Variants in C7 observed in about 807,000 individuals in gnomAD.
C7 encodes the protein complement C7.
Under a neutral mutation model 104.8 loss-of-function variants are expected in C7, and 83 were observed. That is an observed-to-expected ratio of 0.79 (90% CI 0.66 to 0.95). The LOEUF (loss-of-function observed/expected upper bound fraction) is 0.95. Among genes scored for constraint, C7 ranks in the 40% least tolerant of loss-of-function variants. C7 has a pLI of 0.00. For missense variants in C7, 1,070 were observed against 1,011.2 expected, an observed-to-expected ratio of 1.06 and a Z score of -0.79; for synonymous variants, 415 against 360.6, an observed-to-expected ratio of 1.15 and a Z score of -1.71.
chr5:40,951,297 A>AT (rs1338852712), intron 9 of C7, among the ~76,000 whole-genome samples: 1 of 152,086 alleles, frequency 6.6e-6, no homozygotes, highest in South Asian at 2.1e-4. Flanking sequence ...GTTTGCAAAT[A>AT]TTTTTTCCCA....
At chr5:40,912,977 C>T (rs1739241033) in intron 1 of C7, among the ~76,000 whole-genome samples, 1 of 152,234 alleles carries the variant, frequency 6.6e-6, no homozygotes, top group Admixed American at 6.5e-5. Flanking sequence ...TCTGAGTCTC[C>T]AATGTCTATT....
intron 1 of C7, among the ~76,000 whole-genome samples, chr5:40,910,661 A>C (rs902344451): frequency 6.6e-6 from 1 of 152,088 alleles, no homozygotes; most frequent in Non-Finnish European, 1.5e-5. Flanking sequence ...AAATTAACGC[A>C]GGAACAGACA....
chr5:40,938,671 T>C (rs1449216265), intron 6 of C7, among the ~76,000 whole-genome samples: 1 of 152,196 alleles, frequency 6.6e-6, no homozygotes, highest in East Asian at 1.9e-4. Context: ...CCAACGTTGG[T>C]ATTGCTTAAC....
At position 40,958,174 on chromosome 5, in the gene C7, G is replaced by C; in HGVS notation, c.1402G>C (p.Val468Leu). Residue 468 changes from valine (V) to leucine (L), a missense_variant, in exon 11 of 18, where the codon GTT becomes CTT. Coordinates refer to ENST00000313164, the MANE Select transcript of C7 (RefSeq NM_000587.4). The part of the protein sequence containing the change: ...RPCQNGGLAT[V>L]EGTHCLCHCK... ...TTGTCAAAATGGTGGTTTGGCTACT[G>C]TTGAGGGGACCCATTGTCTGTGCCA... The C allele has an allele frequency of 6.2e-7, 1 of 1,613,832 alleles. No individual in the cohort carries two copies. The highest frequency in any genetic ancestry group is 8.5e-7 in the Non-Finnish European group (1 of 1,179,760).
intron 8 of C7, 141 bp downstream of exon 8, chr5:40,947,986 T>C: frequency 1.1e-6 from 1 of 894,436 alleles, no homozygotes; most frequent in Non-Finnish European, 1.8e-6. Flanking sequence ...ATTGCAAGAA[T>C]GTATTATTGT....
At chr5:40,965,997 G>A (rs745820828) in intron 14 of C7, among the ~76,000 whole-genome samples, 11 of 151,740 alleles carry the variant, frequency 7.2e-5, no homozygotes, top group Admixed American at 1.3e-4. Flanking sequence ...TCATATGTTC[G>A]TTAGCCATTG....
intron 13 of C7, 116 bp downstream of exon 13, chr5:40,962,288 T>G: frequency 1.8e-6 from 1 of 559,106 alleles, no homozygotes; most frequent in East Asian, 3.0e-5. Context: ...ATTTTATATA[T>G]GCATTTTAGT....
rs146469041 is a variant in C7, at chr5:40,927,686, A to G, written c.7-894A>G. 3.0e-4 allele frequency among the ~76,000 whole-genome samples: 45 copies of G among 152,224 alleles called. 1 individual carries two copies. Among genetic ancestry groups the G allele is most frequent in the African/African-American group, 9.9e-4 (41 of 41,572 alleles). ...TGCAAATGGCCAATAGATACGTAAAAAAAGTGCTCAACATTGCTAATCATT... is the reference window on the plus strand; with the variant it reads ...TGCAAATGGCCAATAGATACGTAAAGAAAGTGCTCAACATTGCTAATCATT... On this transcript the variant is annotated intron_variant, in intron 1 of 17. Coordinates refer to ENST00000313164, the MANE Select transcript of C7 (RefSeq NM_000587.4).
chr5:40,921,902 G>T (rs986494890), intron 1 of C7, among the ~76,000 whole-genome samples: 1 of 151,858 alleles, frequency 6.6e-6, no homozygotes, highest in African/African-American at 2.4e-5. Context: ...GCCAGGCGTG[G>T]TGGTGCGCAA....
In C7 at chr5:40,964,721, C is replaced by A. The variant is rs765991810; in HGVS notation, c.1750-20C>A. 6.2e-7 allele frequency: 1 copy of A among 1,605,094 alleles called. No homozygotes were observed. The highest frequency in any genetic ancestry group is 1.3e-5 in the African/African-American group (1 of 74,696). On this transcript the variant is annotated intron_variant, in intron 13 of 17. Transcript: ENST00000313164. ...AAAATAGACAAACTCTTTCCTTTTC[C>A]ATCTTTTACTTTTGTTTAGGATGAA...
intron 11 of C7, among the ~76,000 whole-genome samples, chr5:40,959,026 T>G (rs1483737041): frequency 6.6e-6 from 1 of 152,164 alleles, no homozygotes; most frequent in Non-Finnish European, 1.5e-5. Flanking sequence ...TTCTGGTAAT[T>G]AAAATTCTAC....
intron 6 of C7, among the ~76,000 whole-genome samples, chr5:40,938,584 T>C (rs927854573): frequency 2.0e-5 from 3 of 152,208 alleles, no homozygotes; most frequent in Admixed American, 6.5e-5. Context: ...TAAATTTTAC[T>C]AGGTAAAGTA....
At chr5:40,925,809 T>C (rs1346891825) in intron 1 of C7, among the ~76,000 whole-genome samples, 1 of 152,144 alleles carries the variant, frequency 6.6e-6, no homozygotes, top group Non-Finnish European at 1.5e-5. Context: ...CAACAGTGGG[T>C]GCAAGAGATA....
chr5:40,954,573 T>C (rs1163974920), intron 9 of C7, among the ~76,000 whole-genome samples: 1 of 152,096 alleles, frequency 6.6e-6, no homozygotes, highest in Non-Finnish European at 1.5e-5. Flanking sequence ...AGAGTTGTTT[T>C]TCTTTTTTAA....
intron 4 of C7, 58 bp from the exon 5 acceptor site, chr5:40,936,280 G>A (rs975419326): frequency 6.4e-7 from 1 of 1,562,914 alleles, no homozygotes; most frequent in African/African-American, 1.4e-5. Flanking sequence ...TTTGGTCCTG[G>A]GTAGTGTTTC....
At chr5:40,915,339 G>A (rs181407710) in intron 1 of C7, among the ~76,000 whole-genome samples, 172 of 152,186 alleles carry the variant, frequency 1.1e-3, no homozygotes, top group African/African-American at 3.8e-3. Flanking sequence ...GTCAGGTGGC[G>A]CAATTTTGAA....
At position 40,959,584 on chromosome 5, in the gene C7, G is replaced by T; in HGVS notation, c.1625G>T (p.Ser542Ile). ...TCCTGCGTTGGAGAAACGACAGAAA[G>T]CACACAATGCGAAGATGAGGAGCTG... ...GRSCVGETTE[S>I]TQCEDEELEH... The change falls in exon 12 of 18, where the codon AGC becomes ATC. Residue 542 changes from serine (S) to isoleucine (I), a missense_variant. By Grantham distance (142) the Ser-to-Ile change is moderately radical. Transcript: ENST00000313164. 1 of 1,607,474 alleles carries T rather than the reference G, an allele frequency of 6.2e-7. No homozygotes were observed. The highest frequency in any genetic ancestry group is 8.5e-7 in the Non-Finnish European group (1 of 1,177,674).
chr5:40,965,648 A>ATTT (rs1554043910), intron 14 of C7, among the ~76,000 whole-genome samples: 26,578 of 129,912 alleles, frequency 0.2, 3,392 homozygotes, highest in South Asian at 0.39. Context: ...ATATATATAT[A>ATTT]TTTTTTTTTT....
At chr5:40,976,670 G>A (rs1740826021) in intron 15 of C7, 80 bp from the exon 16 acceptor site, 1 of 913,360 alleles carries the variant, frequency 1.1e-6, no homozygotes, top group Middle Eastern at 2.2e-4. Context: ...ACAGACCCTG[G>A]TCCAGCAATT....
Sources: allele counts gnomAD v4.1 joint callset (sites outside exome capture counted in the v4.1 genomes callset), GRCh38; gene constraint gnomAD v4.1.1; transcripts MANE v1.5; gene names NCBI Gene and HGNC (gene_info 2026-07-23, HGNC 2026-07-21).